The following LTBP1 variants were observed in gnomAD, a reference collection of about 807,000 sequenced individuals.
The protein encoded by LTBP1 is latent transforming growth factor beta binding protein 1, also known as latent-transforming growth factor beta-binding protein 1.
Under a neutral mutation model 207.6 loss-of-function variants are expected in LTBP1, and 129 were observed. The observed-to-expected ratio is 0.62, with a 90% CI of 0.54 to 0.72. The LOEUF (loss-of-function observed/expected upper bound fraction) is 0.72. Among genes scored for constraint, LTBP1 ranks in the 30% least tolerant of loss-of-function variants. LTBP1 has a pLI of 0.00. For missense variants in LTBP1, 2,281 were observed against 2,217.2 expected (o/e 1.03, Z -0.58); for synonymous variants, 963 against 833.7 (o/e 1.16, Z -2.67).
rs547052523 is a variant in LTBP1, at chr2:33,033,301, G to T, written c.863+12095G>T. Among the ~76,000 whole-genome samples, 18 of 152,022 alleles carry T rather than the reference G, an allele frequency of 1.2e-4. No homozygotes were observed. The South Asian group carries it at 3.7e-3, about 32-fold the overall frequency. ...TGTCCCCTCTGTTGATATTAAGTCA[G>T]ATATTTTATCTGTTCAGTCAAAGCC... On this transcript the variant is annotated intron_variant, in intron 3 of 33. Coordinates refer to ENST00000404816, the MANE Select transcript of LTBP1 (RefSeq NM_206943.4).
chr2:33,097,378 G>A (rs1264960503), intron 3 of LTBP1, among the ~76,000 whole-genome samples: 4 of 152,074 alleles, frequency 2.6e-5, no homozygotes, highest in Non-Finnish European at 5.9e-5. Flanking sequence ...TTGTATCCCA[G>A]CATTGTATTT....
intron 9 of LTBP1, among the ~76,000 whole-genome samples, chr2:33,228,698 T>C (rs893614033): frequency 3.9e-5 from 3 of 76,634 alleles, no homozygotes; most frequent in African/African-American, 1.2e-4. Context: ...GGTTATACCC[T>C]TTTTTTTTTT....
chr2:33,018,082 A>T (rs775058284), intron 2 of LTBP1, among the ~76,000 whole-genome samples: 1 of 152,088 alleles, frequency 6.6e-6, no homozygotes, highest in Non-Finnish European at 1.5e-5. Flanking sequence ...GAGGTATTAT[A>T]TACATAGCTG....
chr2:33,254,658 A>G (rs1001595812), intron 11 of LTBP1, among the ~76,000 whole-genome samples: 5 of 143,504 alleles, frequency 3.5e-5, no homozygotes, highest in Admixed American at 2.1e-4. Context: ...CATGTTGGTT[A>G]CATATGTATA....
Position 33,097,028 on chromosome 2 carries a change from C to G in LTBP1, c.864-13554C>G, listed in dbSNP as rs148920828. Among the ~76,000 whole-genome samples, 1,180 of 152,106 alleles carry G rather than the reference C, an allele frequency of 7.8e-3. 14 individuals are homozygous for G. The highest frequency in any genetic ancestry group is 0.012 in the Non-Finnish European group (847 of 67,984). On this transcript the variant is annotated intron_variant, in intron 3 of 33. Transcript: ENST00000404816. ...AAGGGAGAGGAAGATACTGATAAAC[C>G]CAATCCTAGTAGAAACAATGGCTCT... is the stretch of plus-strand genomic sequence containing the variant.
chr2:33,328,613 A>G (rs2094458320), intron 24 of LTBP1, among the ~76,000 whole-genome samples: 1 of 152,130 alleles, frequency 6.6e-6, no homozygotes, highest in African/African-American at 2.4e-5. Flanking sequence ...AGACTTACTC[A>G]CTATCATGAG....
At chr2:33,198,437 CTT>C in intron 7 of LTBP1, among the ~76,000 whole-genome samples, 1 of 152,136 alleles carries the variant, frequency 6.6e-6, no homozygotes, top group Non-Finnish European at 1.5e-5. Context: ...AGGATTCCCT[CTT>C]TTTCTATTGA....
At chr2:33,041,898 T>C (rs1246575824) in intron 3 of LTBP1, among the ~76,000 whole-genome samples, 1 of 152,234 alleles carries the variant, frequency 6.6e-6, no homozygotes, top group African/African-American at 2.4e-5. Context: ...TAATGGTATG[T>C]GTATCCTTTA....
chr2:33,248,657 G>C (rs191713082), intron 10 of LTBP1, among the ~76,000 whole-genome samples: 2 of 150,936 alleles, frequency 1.3e-5, no homozygotes, highest in African/African-American at 4.9e-5. Flanking sequence ...TGCAATCTCA[G>C]CTTACTGCAA....
intron 4 of LTBP1, among the ~76,000 whole-genome samples, chr2:33,118,704 A>C (rs1271310174): frequency 6.6e-6 from 1 of 152,208 alleles, no homozygotes; most frequent in South Asian, 2.1e-4. Context: ...TCCAGATTTC[A>C]TTCAAGGACA....
At chr2:33,096,574 A>G (rs1488204913) in intron 3 of LTBP1, among the ~76,000 whole-genome samples, 19 of 152,170 alleles carry the variant, frequency 1.2e-4, no homozygotes, top group Non-Finnish European at 4.4e-5. Context: ...ATTGGTGGCA[A>G]TTTTAATGGT....
chr2:33,229,234 C>A (rs900285864), intron 9 of LTBP1, among the ~76,000 whole-genome samples: 11 of 152,112 alleles, frequency 7.2e-5, no homozygotes, highest in African/African-American at 2.4e-4. Flanking sequence ...CTTTGGGAGG[C>A]TGAGGCAGAA....
At chr2:33,299,270 G>A (rs1480170818) in intron 20 of LTBP1, among the ~76,000 whole-genome samples, 1 of 151,486 alleles carries the variant, frequency 6.6e-6, no homozygotes, top group African/African-American at 2.4e-5. Flanking sequence ...GTTTGGCTCA[G>A]GAGAAACAGG....
chr2:33,056,107 G>A (rs1365147563), intron 3 of LTBP1, among the ~76,000 whole-genome samples: 1 of 152,166 alleles, frequency 6.6e-6, no homozygotes, highest in Admixed American at 6.5e-5. Context: ...CAGGATGATA[G>A]TATTGTAATT....
In LTBP1 at chr2:33,079,074, G is replaced by A. The variant is rs186060517; in HGVS notation, c.864-31508G>A. Among the ~76,000 whole-genome samples the A allele has an allele frequency of 1.4e-3, 209 of 151,910 alleles. 1 individual carries two copies. The highest frequency in any genetic ancestry group is 4.5e-3 in the Admixed American group (69 of 15,274). ...GGGTTTCACCATGTTGGCCAATATG[G>A]TAATATTTCTTTTTATCCTGTTAAT... On this transcript the variant is annotated intron_variant, in intron 3 of 33. Transcript: ENST00000404816.
At chr2:32,969,237 G>C (rs1256374215) in intron 2 of LTBP1, among the ~76,000 whole-genome samples, 1 of 111,008 alleles carries the variant, frequency 9.0e-6, no homozygotes, top group East Asian at 3.0e-4. Context: ...ATTTGTGTGT[G>C]TGTGTGTGTG....
intron 2 of LTBP1, among the ~76,000 whole-genome samples, chr2:33,010,664 A>T (rs181732801): frequency 1.9e-4 from 29 of 152,122 alleles, no homozygotes; most frequent in African/African-American, 5.1e-4. Flanking sequence ...TGTATCAATT[A>T]AAAAAAGTTT....
chr2:33,235,124 T>TG (rs1226684988), intron 9 of LTBP1, among the ~76,000 whole-genome samples: 1 of 152,126 alleles, frequency 6.6e-6, no homozygotes, highest in African/African-American at 2.4e-5. Context: ...AACTACAGAA[T>TG]GGGAGAACAT....
chr2:33,120,200 C>G (rs1463398519), intron 4 of LTBP1, among the ~76,000 whole-genome samples: 3 of 148,934 alleles, frequency 2.0e-5, no homozygotes, highest in African/African-American at 7.4e-5. Flanking sequence ...ATTTTTTTAA[C>G]TTTTAGGTTT....
Sources: allele counts gnomAD v4.1 joint callset (sites outside exome capture counted in the v4.1 genomes callset), GRCh38; gene constraint gnomAD v4.1.1; transcripts MANE v1.5; gene names NCBI Gene and HGNC (gene_info 2026-07-23, HGNC 2026-07-21).